CLYBL: variants seen among roughly 807,000 people sequenced by gnomAD.
CLYBL encodes the protein citramalyl-CoA lyase.
A neutral mutation model predicts 38.9 loss-of-function variants in CLYBL; 31 were observed. The observed-to-expected ratio is 0.80, with a 90% CI of 0.60 to 1.08. The LOEUF (loss-of-function observed/expected upper bound fraction) is 1.08. CLYBL is among the 50% of genes least tolerant of loss of function. The pLI, the probability that CLYBL is intolerant of heterozygous loss-of-function variation, is 0.00. For missense variants in CLYBL, 434 were observed against 411.6 expected (o/e 1.05, Z -0.47); for synonymous variants, 171 against 158.6 (o/e 1.08, Z -0.59).
intron 1 of CLYBL, among the ~76,000 whole-genome samples, chr13:99,714,851 A>T (rs2048288400): frequency 6.6e-6 from 1 of 152,102 alleles, no homozygotes; most frequent in Non-Finnish European, 1.5e-5. Context: ...TGGGAGGCTG[A>T]GGCACAAGAA....
chr13:99,746,549 A>C (rs1348200653), intron 1 of CLYBL, among the ~76,000 whole-genome samples: 2 of 152,190 alleles, frequency 1.3e-5, no homozygotes, highest in Non-Finnish European at 2.9e-5. Flanking sequence ...TAGGAAGATC[A>C]ACAGTGGGCA....
intron 2 of CLYBL, among the ~76,000 whole-genome samples, chr13:99,828,553 T>C (rs2050743101): frequency 6.6e-6 from 1 of 152,216 alleles, no homozygotes; most frequent in Non-Finnish European, 1.5e-5. Flanking sequence ...TCCTATTTTG[T>C]AAAGAGCAGC....
chr13:99,672,909 G>T (rs1172101257), intron 1 of CLYBL, among the ~76,000 whole-genome samples: 1 of 152,134 alleles, frequency 6.6e-6, no homozygotes, highest in Non-Finnish European at 1.5e-5. Flanking sequence ...CAGGGGAAGG[G>T]CGCATGGGAT....
rs115727127 is a variant in CLYBL, at chr13:99,666,365, G to A, written c.62+59608G>A. On this transcript the variant is annotated intron_variant, in intron 1 of 8. Coordinates refer to ENST00000339105, the MANE Select transcript of CLYBL (RefSeq NM_206808.5). ...GGCTTTAGGCAGCCTGACCTTCACTGCATGGGGATGACTCGGTGGGTGTGC... is the reference window on the plus strand; with the variant it reads ...GGCTTTAGGCAGCCTGACCTTCACTACATGGGGATGACTCGGTGGGTGTGC... Among the ~76,000 whole-genome samples, 1,193 of 152,266 alleles carry A rather than the reference G, an allele frequency of 7.8e-3. 14 individuals carry two copies. The highest frequency in any genetic ancestry group is 0.027 in the African/African-American group (1,132 of 41,540).
intron 2 of CLYBL, among the ~76,000 whole-genome samples, chr13:99,848,981 A>G (rs1335521620): frequency 6.6e-6 from 1 of 152,084 alleles, no homozygotes; most frequent in Non-Finnish European, 1.5e-5. Flanking sequence ...TCTACTAAAA[A>G]TACAAAAATT....
At chr13:99,753,814 C>A (rs147108247) in intron 1 of CLYBL, among the ~76,000 whole-genome samples, 1 of 151,724 alleles carries the variant, frequency 6.6e-6, no homozygotes, top group South Asian at 2.1e-4. Context: ...ATTGGCCGGG[C>A]GCGGTGGCTC....
At chr13:99,836,957 T>C (rs1056327849) in intron 2 of CLYBL, among the ~76,000 whole-genome samples, 2 of 151,884 alleles carry the variant, frequency 1.3e-5, no homozygotes, top group East Asian at 1.9e-4. Flanking sequence ...AGTTAATGGG[T>C]GCAGCACACC....
intron 2 of CLYBL, among the ~76,000 whole-genome samples, chr13:99,775,540 G>A (rs533538844): frequency 1.1e-4 from 17 of 152,126 alleles, no homozygotes; most frequent in South Asian, 2.1e-4. Flanking sequence ...TTTTTTGGTC[G>A]TTGTGTTGCC....
chr13:99,767,632 C>T (rs966679781), intron 1 of CLYBL, among the ~76,000 whole-genome samples: 1 of 152,118 alleles, frequency 6.6e-6, no homozygotes, highest in African/African-American at 2.4e-5. Context: ...AGGCTCTATT[C>T]ACTTCTCTTC....
At chr13:99,757,312 T>C (rs1208404576) in intron 1 of CLYBL, among the ~76,000 whole-genome samples, 1 of 152,206 alleles carries the variant, frequency 6.6e-6, no homozygotes, top group African/African-American at 2.4e-5. Context: ...TTGTACATAA[T>C]GGTAGCATTT....
At chr13:99,871,550 C>G (rs2051899335) in intron 7 of CLYBL, among the ~76,000 whole-genome samples, 1 of 152,104 alleles carries the variant, frequency 6.6e-6, no homozygotes, top group African/African-American at 2.4e-5. Context: ...GTGTTTGTAC[C>G]AATTTCTGGA....
At chr13:99,801,244 G>A (rs1292537389) in intron 2 of CLYBL, among the ~76,000 whole-genome samples, 4 of 152,136 alleles carry the variant, frequency 2.6e-5, no homozygotes, top group Admixed American at 6.5e-5. Context: ...TTAAATGCAG[G>A]CTTAATGTTT....
intron 1 of CLYBL, among the ~76,000 whole-genome samples, chr13:99,621,008 C>T (rs1050696028): frequency 3.3e-5 from 5 of 152,102 alleles, no homozygotes; most frequent in Admixed American, 6.5e-5. Context: ...CCAAGCTGTG[C>T]GTTTGAATCA....
intron 1 of CLYBL, among the ~76,000 whole-genome samples, chr13:99,636,834 G>A (rs1227825477): frequency 6.6e-6 from 1 of 152,018 alleles, no homozygotes; most frequent in Non-Finnish European, 1.5e-5. Flanking sequence ...AGTCACAGTG[G>A]CAAGATGGAG....
intron 1 of CLYBL, among the ~76,000 whole-genome samples, chr13:99,647,666 G>A (rs1482776940): frequency 6.6e-6 from 1 of 152,156 alleles, no homozygotes; most frequent in Admixed American, 6.5e-5. Context: ...TTTTCCAAAG[G>A]GCAGAGGGCA....
At chr13:99,643,022 A>G (rs2047119632) in intron 1 of CLYBL, 1 of 153,862 alleles carries the variant, frequency 6.5e-6, no homozygotes, top group African/African-American at 2.4e-5. Context: ...TGAGGCCTGC[A>G]TGAGGACTTT....
intron 2 of CLYBL, among the ~76,000 whole-genome samples, chr13:99,790,954 A>G (rs1204714140): frequency 6.6e-6 from 1 of 152,206 alleles, no homozygotes; most frequent in African/African-American, 2.4e-5. Context: ...GCATAGAAGC[A>G]ACTTATATGA....
intron 6 of CLYBL, among the ~76,000 whole-genome samples, chr13:99,870,157 G>A (rs2051847072): frequency 6.6e-6 from 1 of 151,920 alleles, no homozygotes; most frequent in South Asian, 2.1e-4. Context: ...CTATAAAGAG[G>A]GAAATACCCA....
At position 99,865,659 on chromosome 13, in the gene CLYBL, G is replaced by A. The variant is rs1258518360; in HGVS notation, c.635-581G>A. ...TTTATTTGAATACGAGTCTTTCCAG[G>A]AGACTTGTGTATCCAACGGTTCAGC... On this transcript the variant is annotated intron_variant, in intron 5 of 8. Coordinates refer to ENST00000339105, the MANE Select transcript of CLYBL (RefSeq NM_206808.5). This position sits in a 1 kb window ranked among gnomAD's most constrained non-coding sequence, Gnocchi z 4.7. 6.6e-6 allele frequency among the ~76,000 whole-genome samples: 1 copy of A among 152,208 alleles called. No homozygotes were observed. Among genetic ancestry groups the A allele is most frequent in the Non-Finnish European group, 1.5e-5 (1 of 68,038 alleles).
Sources: allele counts gnomAD v4.1 joint callset (sites outside exome capture counted in the v4.1 genomes callset), GRCh38; gene constraint gnomAD v4.1.1; non-coding constraint Gnocchi (gnomAD v3.1); transcripts MANE v1.5; gene names NCBI Gene and HGNC (gene_info 2026-07-23, HGNC 2026-07-21).